The following PCDHA8 variants were observed in gnomAD, a reference collection of about 807,000 sequenced individuals.
The protein encoded by PCDHA8 is protocadherin alpha 8.
A neutral mutation model predicts 61.8 loss-of-function variants in PCDHA8; 53 were observed. The ratio of observed to expected loss-of-function variants is 0.86; its 90% CI spans 0.69 to 1.08. The LOEUF is 1.08. PCDHA8 is among the 50% of genes least tolerant of loss of function. The pLI, the probability that PCDHA8 is intolerant of heterozygous loss-of-function variation, is 0.00. For synonymous variants in PCDHA8, 618 were observed against 556.6 expected, an observed-to-expected ratio of 1.11 and a Z score of -1.55; for missense variants, 1,293 against 1,245.0, an observed-to-expected ratio of 1.04 and a Z score of -0.58.
chr5:141,005,499 C>T (rs1399657712), intron 3 of PCDHA8, among the ~76,000 whole-genome samples: 1 of 151,380 alleles, frequency 6.6e-6, no homozygotes, highest in Non-Finnish European at 1.5e-5. Context: ...GTCAGGAGAT[C>T]GAGACCATCC....
At position 140,842,502 on chromosome 5, in the gene PCDHA8, C is replaced by T; in HGVS notation, c.1181C>T (p.Pro394Leu). Reference protein sequence around the residue: ...QVTCSLMPHVPFKLVSTFKNY... With the variant: ...QVTCSLMPHVLFKLVSTFKNY... ...ACCTGCTCCCTGATGCCCCATGTCC[C>T]CTTCAAGCTGGTGTCCACCTTCAAG... Residue 394 changes from proline to leucine, a missense_variant, in exon 1 of 4, where the codon CCC (proline) becomes CTC (leucine). By Grantham distance (98) the Pro-to-Leu change is moderately conservative. Transcript: ENST00000531613. 1 of 1,613,826 alleles carries T rather than the reference C, an allele frequency of 6.2e-7. No homozygotes were observed. Among genetic ancestry groups the T allele is most frequent in the South Asian group, 1.1e-5 (1 of 91,078 alleles).
At position 140,857,660 on chromosome 5, in the gene PCDHA8, G is replaced by A. The variant is rs368920437; in HGVS notation, c.2394+13945G>A. 9 of 1,596,734 alleles carry A rather than the reference G, an allele frequency of 5.6e-6. 1 individual carries two copies. Among genetic ancestry groups the A allele is most frequent in the Non-Finnish European group, 7.7e-6 (9 of 1,167,798 alleles). On this transcript the variant is annotated intron_variant, in intron 1 of 3. Coordinates refer to ENST00000531613, the MANE Select transcript of PCDHA8 (RefSeq NM_018911.3). ...GCTACAGTTCCAGGTGAGCGCGCGC[G>A]ATGGGGGCGTGCCGCCTCTGGGCAG...
At chr5:140,965,066 G>A (rs931765352) in intron 1 of PCDHA8, among the ~76,000 whole-genome samples, 3 of 152,164 alleles carry the variant, frequency 2.0e-5, no homozygotes, top group Non-Finnish European at 4.4e-5. Flanking sequence ...CAAATGTCAG[G>A]TCTCACTCTG....
intron 1 of PCDHA8, chr5:140,930,181 T>C (rs1170637205): frequency 2.0e-5 from 3 of 152,216 alleles, no homozygotes; most frequent in African/African-American, 7.2e-5. Flanking sequence ...AGAGGAAAGA[T>C]GAGTAATTTT....
At chr5:140,903,609 A>G (rs565435427) in intron 1 of PCDHA8, among the ~76,000 whole-genome samples, 2 of 152,360 alleles carry the variant, frequency 1.3e-5, no homozygotes, top group Admixed American at 6.5e-5. Flanking sequence ...CTTAATACAC[A>G]TGAATGTGCA....
rs2150359308 is a variant in PCDHA8 at position 140,843,404 on chromosome 5, G to C, written c.2083G>C (p.Asp695His). The change falls in exon 1 of 4, where the codon GAT (aspartate) becomes CAT (histidine). Residue 695 changes from aspartate (D) to histidine (H), a missense_variant. Coordinates refer to ENST00000531613, the MANE Select transcript of PCDHA8 (RefSeq NM_018911.3). ...TTTGGGTCCGGAAGCGGCGCTGGTG[G>C]ATGTCAACGTGTACCTGATCATCGC... ...GVLGPEAALV[D>H]VNVYLIIAIC... is the part of the protein sequence containing the mutation. The C allele has an allele frequency of 1.3e-6, 2 of 1,596,130 alleles. No homozygotes were observed. The highest frequency in any genetic ancestry group is 3.4e-5 in the Admixed American group (2 of 59,298).
intron 1 of PCDHA8, chr5:140,967,197 AC>A: frequency 6.2e-7 from 1 of 1,613,542 alleles, no homozygotes; most frequent in Non-Finnish European, 8.5e-7. Context: ...ATCAACGACA[AC>A]TCACCGCGTT....
At chr5:140,871,719 T>C in intron 1 of PCDHA8, 1 of 783,566 alleles carries the variant, frequency 1.3e-6, no homozygotes, top group Non-Finnish European at 1.9e-6. Context: ...CCTATTTCTC[T>C]TAATATTTGG....
chr5:140,878,011 A>G (rs1008308579), intron 1 of PCDHA8: 1 of 843,992 alleles, frequency 1.2e-6, no homozygotes, highest in Non-Finnish European at 1.7e-6. Flanking sequence ...TCTAACATTA[A>G]TGAAGGAAAT....
At chr5:140,885,985 G>A (rs879977606) in intron 1 of PCDHA8, among the ~76,000 whole-genome samples, 3 of 152,110 alleles carry the variant, frequency 2.0e-5, no homozygotes, top group Admixed American at 2.0e-4. Context: ...AGATTCGCAT[G>A]TGGTTGAAAG....
At chr5:140,928,652 A>T in intron 1 of PCDHA8, 1 of 1,614,188 alleles carries the variant, frequency 6.2e-7, no homozygotes, top group Non-Finnish European at 8.5e-7. Context: ...GTAGCAGAGG[A>T]TGCTGACAGT....
intron 1 of PCDHA8, among the ~76,000 whole-genome samples, chr5:140,909,950 C>T (rs940175754): frequency 1.3e-5 from 2 of 152,168 alleles, no homozygotes; most frequent in African/African-American, 4.8e-5. Flanking sequence ...GGTAAAAAGC[C>T]GTAGGTCTCC....
At position 140,841,259 on chromosome 5, in the gene PCDHA8, G is replaced by T. The variant is rs1777115854; in HGVS notation, c.-63G>T. 3.3e-6 allele frequency: 5 copies of T among 1,517,592 alleles called. No homozygotes were observed. In the South Asian group the frequency reaches 6.6e-5, roughly 20 times the overall value. 94.0% of individuals were successfully genotyped at this position (1,517,592 alleles called of 1,614,324 possible). ...CAGCGGAATTGGATTAAAAGACTCT[G>T]AAAGTACAGTCGTTCATCTTTATAT... On this transcript the variant is annotated 5_prime_UTR_variant, in exon 1 of 4. An upstream open reading frame in the 5' UTR loses its in-frame stop. Transcript: ENST00000531613.
intron 1 of PCDHA8, among the ~76,000 whole-genome samples, chr5:140,900,125 G>A (rs2067765908): frequency 6.6e-6 from 1 of 152,056 alleles, no homozygotes; most frequent in South Asian, 2.1e-4. Context: ...TTGATTTTTA[G>A]GTACCACAAA....
Position 141,011,486 on chromosome 5 carries a change from T to C in PCDHA8, c.*1549T>C, listed in dbSNP as rs887081256. ...GAATGTAATTCCATTATATTTCCTT[T>C]TGTACACCTGTGAAAAAGTGGAGTA... is the stretch of plus-strand genomic sequence containing the variant. On this transcript the variant is annotated 3_prime_UTR_variant, in exon 4 of 4. Coordinates refer to ENST00000531613, the MANE Select transcript of PCDHA8 (RefSeq NM_018911.3). 15 of 153,928 alleles carry C rather than the reference T, an allele frequency of 9.7e-5. No homozygotes were observed. Among genetic ancestry groups the C allele is most frequent in the African/African-American group, 2.9e-4 (12 of 41,596 alleles). The allele number at this position is 153,928 out of a possible 1,614,324, so 9.5% of individuals were successfully genotyped here.
intron 1 of PCDHA8, chr5:140,857,926 C>G (rs1351185942): frequency 2.5e-6 from 4 of 1,597,606 alleles, no homozygotes; most frequent in East Asian, 2.2e-5. Flanking sequence ...TGGGGCTGTA[C>G]ACGGGCGAGA....
chr5:140,972,244 A>G (rs2096526797), intron 1 of PCDHA8, among the ~76,000 whole-genome samples: 1 of 151,646 alleles, frequency 6.6e-6, no homozygotes, highest in African/African-American at 2.4e-5. Context: ...GGCTCAAGCA[A>G]TCCTCACACA....
intron 1 of PCDHA8, chr5:140,870,349 A>G (rs1554164130): frequency 6.2e-7 from 1 of 1,614,154 alleles, no homozygotes; most frequent in Non-Finnish European, 8.5e-7. Context: ...GGACCGCGAG[A>G]ACGTGTGGGC....
intron 1 of PCDHA8, chr5:140,877,580 C>T (rs559831598): frequency 2.5e-6 from 4 of 1,613,804 alleles, no homozygotes; most frequent in African/African-American, 1.3e-5. Context: ...CTCATCATCG[C>T]CATCTGTGCG....
Sources: gnomAD v4.1 joint callset for allele counts (sites outside exome capture counted in the v4.1 genomes callset) on GRCh38, gnomAD v4.1.1 for gene constraint, MANE v1.5 for transcripts, NCBI Gene and HGNC (gene_info 2026-07-23, HGNC 2026-07-21) for gene names.